The following RBM33 variants were observed in gnomAD, a reference collection of about 807,000 sequenced individuals.
The protein encoded by RBM33 is RNA binding motif protein 33.
RBM33 carries 28 observed loss-of-function variants against 132.6 expected under a neutral mutation model. That is an observed-to-expected ratio of 0.21 (90% CI 0.16 to 0.29). RBM33 has a LOEUF of 0.29. RBM33 is among the 10% of genes least tolerant of loss of function. The pLI is 1.00. For synonymous variants in RBM33, 634 were observed against 593.0 expected, an observed-to-expected ratio of 1.07 and a Z score of -1.01; for missense variants, 1,291 against 1,518.5, an observed-to-expected ratio of 0.85 and a Z score of 2.49.
chr7:155,691,725 T>G (rs979177829), intron 5 of RBM33, among the ~76,000 whole-genome samples: 1 of 152,166 alleles, frequency 6.6e-6, no homozygotes, highest in South Asian at 2.1e-4. Context: ...TGGACAGTCC[T>G]AATTAATACA....
In RBM33 at chr7:155,716,316, G is replaced by GTTTTTTTTTTTTTTTTTTTTT. The variant is rs59289310; in HGVS notation, c.1202-2053_1202-2052insTTTTTTTTTTTTTTTTTTTTT. Among the ~76,000 whole-genome samples, 553 of 102,204 alleles carry GTTTTTTTTTTTTTTTTTTTTT rather than the reference G, an allele frequency of 5.4e-3. 77 individuals are homozygous for GTTTTTTTTTTTTTTTTTTTTT. Among genetic ancestry groups the GTTTTTTTTTTTTTTTTTTTTT allele is most frequent in the Non-Finnish European group, 6.8e-3 (354 of 52,024 alleles). The allele number at this position is 102,204 out of a possible 152,430, so 67.0% of individuals were successfully genotyped here. A position where few individuals can be genotyped will look rare whatever the true frequency, so the allele number is the denominator to read the frequency against. On this transcript the variant is annotated intron_variant, in intron 8 of 17. Transcript: ENST00000401878. Reference sequence around the variant, plus strand: ...TGTCAGCTGTTTTTCCTTTTCTGCTGTTTTTTTTTTTTTTTTAAATAGGGA... The same window carrying GTTTTTTTTTTTTTTTTTTTTT: ...TGTCAGCTGTTTTTCCTTTTCTGCTGTTTTTTTTTTTTTTTTTTTTTTTTTTTTTTTTTTTTTAAATAGGGA...
chr7:155,658,508 C>T (rs1798554176), intron 1 of RBM33, among the ~76,000 whole-genome samples: 1 of 150,572 alleles, frequency 6.6e-6, no homozygotes, highest in Non-Finnish European at 1.5e-5. Context: ...TCAAGTGATT[C>T]TCCTGCCTCA....
chr7:155,706,617 A>G (rs889130827), intron 6 of RBM33, among the ~76,000 whole-genome samples: 1 of 152,092 alleles, frequency 6.6e-6, no homozygotes, highest in Non-Finnish European at 1.5e-5. Flanking sequence ...ATAATTTAAA[A>G]TTTACTGTTA....
At chr7:155,679,157 G>GT (rs1397987649) in intron 4 of RBM33, among the ~76,000 whole-genome samples, 1 of 151,920 alleles carries the variant, frequency 6.6e-6, no homozygotes, top group Non-Finnish European at 1.5e-5. Flanking sequence ...GGGAGACAGA[G>GT]TGAAACGCCG....
chr7:155,752,845 G>T (rs1017065605), intron 14 of RBM33, among the ~76,000 whole-genome samples: 1 of 152,078 alleles, frequency 6.6e-6, no homozygotes, highest in African/African-American at 2.4e-5. Flanking sequence ...CTGGATGGCC[G>T]CTCCCACGCA....
chr7:155,702,418 T>A (rs1799992079), intron 6 of RBM33, among the ~76,000 whole-genome samples: 1 of 152,218 alleles, frequency 6.6e-6, no homozygotes, highest in Non-Finnish European at 1.5e-5. Context: ...TTCCCTAGAC[T>A]TTTTTCAAGT....
chr7:155,746,371 TA>T lies in RBM33; in HGVS notation c.2979+781del, dbSNP rs774100102. Reference sequence around the variant, plus strand: ...TTTTCTGTTTTCAGTTTGCCCCATTTAAAAAAAAAAAAGCGTCATAGAATTG... The same window carrying T: ...TTTTCTGTTTTCAGTTTGCCCCATTTAAAAAAAAAAAGCGTCATAGAATTG... On this transcript the variant is annotated intron_variant, in intron 14 of 17. Coordinates refer to ENST00000401878, the MANE Select transcript of RBM33 (RefSeq NM_053043.3). The T allele has an allele frequency of 8.9e-3, 1,283 of 143,434 alleles. 16 individuals are homozygous for T. The highest frequency in any genetic ancestry group is 0.024 in the African/African-American group (948 of 39,414). The allele number at this position is 143,434 out of a possible 1,614,324, so 8.9% of individuals were successfully genotyped here.
At chr7:155,661,091 GTGTGTGGTGT>G (rs1290943430) in intron 1 of RBM33, among the ~76,000 whole-genome samples, 1 of 140,096 alleles carries the variant, frequency 7.1e-6, no homozygotes, top group Admixed American at 7.5e-5. Flanking sequence ...TTCTGTGTGT[GTGTGTGGTGT>G]GTGTGTGTGT....
In RBM33 at chr7:155,777,820, AAGTC is replaced by A. The variant is rs1400399583; in HGVS notation, c.*2781_*2784del. On this transcript the variant is annotated 3_prime_UTR_variant, in exon 18 of 18. Coordinates refer to ENST00000401878, the MANE Select transcript of RBM33 (RefSeq NM_053043.3). ...ATTCGATTTTTATAAAGATGGTAGT[AAGTC>A]AATACATTTATCCTGATCTGTGTAT... The A allele has an allele frequency of 1.3e-5, 2 of 152,672 alleles. No individual in the cohort carries two copies. Among genetic ancestry groups the A allele is most frequent in the African/African-American group, 2.4e-5 (1 of 41,450 alleles). 9.5% of individuals were successfully genotyped at this position (152,672 alleles called of 1,614,324 possible).
rs796719290 is a variant in RBM33, at chr7:155,745,555, G to A, written c.2932G>A (p.Gly978Arg). The stretch of plus-strand genomic sequence containing the variant: ...CAGGACAAACAGTGGTGGTGGAGAC[G>A]GGCCCCACATCAGCTCCAAGGTCAG... The part of the protein sequence containing the change: ...THRTNSGGGD[G>R]PHISSKVRVI... The change falls in exon 14 of 18, where the codon GGG (glycine) becomes AGG (arginine). Residue 978 changes from glycine (G) to arginine (R), a missense_variant. Gly to Arg is a moderately radical substitution (Grantham distance 125). This residue lies in a region of RBM33 where 841 missense variants were observed against 912.0 expected (regional missense o/e 0.92). Coordinates refer to ENST00000401878, the MANE Select transcript of RBM33 (RefSeq NM_053043.3). This position sits in a 1 kb window ranked among gnomAD's most constrained non-coding sequence, Gnocchi z 4.1. 23 of 1,608,948 alleles carry A rather than the reference G, an allele frequency of 1.4e-5. No homozygotes were observed. The highest frequency in any genetic ancestry group is 1.6e-4 in the Middle Eastern group (1 of 6,072).
At chr7:155,773,541 C>T (rs1307536351) in intron 16 of RBM33, among the ~76,000 whole-genome samples, 2 of 137,420 alleles carry the variant, frequency 1.5e-5, no homozygotes, top group Non-Finnish European at 3.0e-5. Flanking sequence ...GCACACCAGC[C>T]CAGGCAACAG....
At chr7:155,658,384 ATT>A (rs71303950) in intron 1 of RBM33, among the ~76,000 whole-genome samples, 8 of 122,860 alleles carry the variant, frequency 6.5e-5, no homozygotes, top group Admixed American at 1.6e-4. Context: ...ATATAGTTGG[ATT>A]TTTTTTTTTT....
At chr7:155,741,330 C>T (rs970830458) in intron 12 of RBM33, among the ~76,000 whole-genome samples, 24 of 151,778 alleles carry the variant, frequency 1.6e-4, no homozygotes, top group African/African-American at 4.6e-4. Context: ...TCGAGTAAAA[C>T]GTTCTGGCAC....
chr7:155,675,338 CT>C (rs1458647337), intron 3 of RBM33, among the ~76,000 whole-genome samples: 2 of 147,652 alleles, frequency 1.4e-5, no homozygotes, highest in Non-Finnish European at 3.0e-5. Context: ...TAAAACGTTA[CT>C]TTTTTTTTAA....
intron 5 of RBM33, among the ~76,000 whole-genome samples, chr7:155,687,087 G>C (rs1799499925): frequency 6.6e-6 from 1 of 152,174 alleles, no homozygotes; most frequent in Non-Finnish European, 1.5e-5. Context: ...CTAGTTTACA[G>C]TCCCACCAAC....
In RBM33 at chr7:155,774,798, C is replaced by T. The variant is rs1802549694; in HGVS notation, c.3464+151C>T. ...CACAAAGCGCAGACGGTGATCCTGT[C>T]ATGAGGCGCGCGTCCTTTTGTCTGG... On this transcript the variant is annotated intron_variant, in intron 17 of 17. Transcript: ENST00000401878. The surrounding 1 kb of genome is among the most constrained non-coding windows in gnomAD (Gnocchi z 4.2). 6.6e-6 allele frequency among the ~76,000 whole-genome samples: 1 copy of T among 152,222 alleles called. No homozygotes were observed. The highest frequency in any genetic ancestry group is 2.4e-5 in the African/African-American group (1 of 41,454).
At position 155,769,814 on chromosome 7, in the gene RBM33, C is replaced by T. The variant is rs1237545233; in HGVS notation, c.3375+3159C>T. 2.6e-5 allele frequency among the ~76,000 whole-genome samples: 4 copies of T among 152,180 alleles called. No homozygotes were observed. In the East Asian group the frequency reaches 5.8e-4, roughly 22 times the overall value. ...AGAAAACACTAAGCAGTGTCAGACA[C>T]GGATTCCAGAAAAGCCCACGTCACA... is the stretch of plus-strand genomic sequence containing the variant. On this transcript the variant is annotated intron_variant, in intron 16 of 17. Transcript: ENST00000401878.
intron 14 of RBM33, among the ~76,000 whole-genome samples, chr7:155,759,929 C>T (rs553233434): frequency 2.6e-5 from 4 of 152,134 alleles, no homozygotes; most frequent in Non-Finnish European, 4.4e-5. Flanking sequence ...AAGGTACTGT[C>T]GCCTCTCTTT....
chr7:155,644,691 T>G lies in RBM33; in HGVS notation c.-186T>G. 4.1e-5 allele frequency: 18 copies of G among 434,792 alleles called. No homozygotes were observed. Among genetic ancestry groups the G allele is most frequent in the Middle Eastern group, 6.3e-4 (1 of 1,600 alleles). 26.9% of individuals were successfully genotyped at this position (434,792 alleles called of 1,614,324 possible). ...CGGGCGCGCGGCCATGTTGCGGTAG[T>G]TTGTTGTTTTCTTCCTGCGGAGGCG... On this transcript the variant is annotated 5_prime_UTR_variant, in exon 1 of 18. Coordinates refer to ENST00000401878, the MANE Select transcript of RBM33 (RefSeq NM_053043.3).
Sources: allele counts gnomAD v4.1 joint callset (sites outside exome capture counted in the v4.1 genomes callset), GRCh38; gene constraint gnomAD v4.1.1; regional missense constraint gnomAD v4.1.1; non-coding constraint Gnocchi (gnomAD v3.1); transcripts MANE v1.5; gene names NCBI Gene and HGNC (gene_info 2026-07-23, HGNC 2026-07-21).